The following TTYH3 variants were observed in gnomAD, a reference collection of about 807,000 sequenced individuals.
The protein encoded by TTYH3 is protein tweety homolog 3.
Under a neutral mutation model 68.2 loss-of-function variants are expected in TTYH3, and 23 were observed. The observed-to-expected ratio is 0.34, with a 90% CI of 0.24 to 0.48. TTYH3 has a LOEUF of 0.48. Among genes scored for constraint, TTYH3 ranks in the 20% least tolerant of loss-of-function variants. The probability of loss-of-function intolerance (pLI) is 0.99; values close to 1 mark genes in which losing one functional copy is unlikely to be tolerated. For missense variants in TTYH3, 768 were observed against 727.7 expected (o/e 1.06, Z -0.64); for synonymous variants, 360 against 332.8 (o/e 1.08, Z -0.89).
At chr7:2,653,893 C>T (rs1325892939) in intron 9 of TTYH3, among the ~76,000 whole-genome samples, 3 of 151,926 alleles carry the variant, frequency 2.0e-5, no homozygotes, top group Non-Finnish European at 4.4e-5. Context: ...AAAATAAATA[C>T]GTTGCTATAC....
In TTYH3 at chr7:2,646,873, C is replaced by T. The variant is rs753305266; in HGVS notation, c.144C>T (p.Ala48=). 1.9e-6 allele frequency: 3 copies of T among 1,596,558 alleles called. No homozygotes were observed. The highest frequency in any genetic ancestry group is 4.5e-5 in the East Asian group (2 of 44,778). ...CTCAGGCCCTGCTGCTCCTGGGGGC[C>T]GCCGCCCTGGCCTGCCTCGCCCTGG... ...DYQQALLLLG[A]AALACLALDL... is the part of the protein sequence containing the mutation. Residue 48 remains alanine (A), a synonymous_variant, in exon 2 of 14, where the codon GCC becomes GCT. Transcript: ENST00000258796.
rs770730829 is a variant in TTYH3, at chr7:2,647,997, T to C, written c.665T>C (p.Ile222Thr). The C allele has an allele frequency of 1.3e-5, 21 of 1,610,784 alleles. No homozygotes were observed. The highest frequency in any genetic ancestry group is 5.5e-5 in the South Asian group (5 of 91,088). ...CTGGGCCTGCTGCTGCTGGACGTCA[T>C]CATCTGCCTCCTGGTGCTGGTTGGC... ...GYLGLLLLDV[I>T]ICLLVLVGLI... The change falls in exon 5 of 14, where the codon ATC (isoleucine) becomes ACC (threonine). Residue 222 changes from isoleucine (I) to threonine (T), a missense_variant. By Grantham distance (89) the Ile-to-Thr change is moderately conservative. Transcript: ENST00000258796.
rs568136970 is a variant in TTYH3, at chr7:2,661,942, G to A, written c.*203G>A. 60 of 626,958 alleles carry A rather than the reference G, an allele frequency of 9.6e-5. No individual in the cohort carries two copies. Among genetic ancestry groups the A allele is most frequent in the East Asian group, 9.0e-4 (33 of 36,502 alleles). The allele number at this position is 626,958 out of a possible 1,614,324, so 38.8% of individuals were successfully genotyped here. A position where few individuals can be genotyped will look rare whatever the true frequency, so the allele number is the denominator to read the frequency against. On this transcript the variant is annotated 3_prime_UTR_variant, in exon 14 of 14. Transcript: ENST00000258796. Reference sequence around the variant, plus strand: ...GGCTCTGGGCCCGTACCGCCAACTCGGGTCACACCTGAACGCTGCTGCCAG... The same window carrying A: ...GGCTCTGGGCCCGTACCGCCAACTCAGGTCACACCTGAACGCTGCTGCCAG...
intron 1 of TTYH3, among the ~76,000 whole-genome samples, chr7:2,634,660 C>T (rs983885993): frequency 1.3e-5 from 2 of 152,094 alleles, no homozygotes; most frequent in Admixed American, 6.5e-5. Context: ...CCGTGGTCTG[C>T]TGTTGGGAAC....
intron 1 of TTYH3, among the ~76,000 whole-genome samples, chr7:2,646,294 C>T (rs760520880): frequency 1.3e-5 from 2 of 152,244 alleles, no homozygotes; most frequent in African/African-American, 4.8e-5. Context: ...GGATTACAGG[C>T]GTGAGCCACC....
At chr7:2,651,028 TGGG>T (rs1440961539) in intron 7 of TTYH3, among the ~76,000 whole-genome samples, 1 of 108,192 alleles carries the variant, frequency 9.2e-6, no homozygotes, top group African/African-American at 3.6e-5. Flanking sequence ...GGTCTGGAGG[TGGG>T]GGGCAGGGAG....
chr7:2,639,633 T>C (rs1477600763), intron 1 of TTYH3, among the ~76,000 whole-genome samples: 1 of 152,240 alleles, frequency 6.6e-6, no homozygotes, highest in Non-Finnish European at 1.5e-5. Flanking sequence ...CAGCCGTCAG[T>C]GTGGGGACTC....
chr7:2,635,284 G>T (rs922075664), intron 1 of TTYH3, among the ~76,000 whole-genome samples: 2 of 152,212 alleles, frequency 1.3e-5, no homozygotes, highest in African/African-American at 4.8e-5. Context: ...GAGGGCAGCA[G>T]AGCCTTCTCT....
chr7:2,643,973 C>T (rs1785918367), intron 1 of TTYH3, among the ~76,000 whole-genome samples: 3 of 152,192 alleles, frequency 2.0e-5, no homozygotes, highest in South Asian at 4.2e-4. Context: ...AGCACAGGGT[C>T]GGGGGAGCGA....
rs772407437 is a variant in TTYH3, at chr7:2,656,404, G to C, written c.1120G>C (p.Val374Leu). ...TCTCATCCCACGGCCTCAGGACTAC[G>C]TGCAAGCGCTGACCGGCTTCTGCTA... Reference protein sequence around the residue: ...VDCRSLHLDYVQALTGFCYDG... With the variant: ...VDCRSLHLDYLQALTGFCYDG... The change falls in exon 11 of 14, where the codon GTG becomes CTG. Residue 374 changes from valine (V) to leucine (L), a missense_variant. Coordinates refer to ENST00000258796, the MANE Select transcript of TTYH3 (RefSeq NM_025250.3). The C allele has an allele frequency of 6.2e-7, 1 of 1,609,948 alleles. No homozygotes were observed. Among genetic ancestry groups the C allele is most frequent in the African/African-American group, 1.3e-5 (1 of 74,936 alleles).
chr7:2,647,164 T>C lies in TTYH3; in HGVS notation c.316T>C (p.Tyr106His), dbSNP rs761226713. The change falls in exon 3 of 14, where the codon TAC becomes CAC. Residue 106 changes from tyrosine to histidine, a missense_variant. Transcript: ENST00000258796. Reference sequence around the variant, plus strand: ...CAGCGCCGGCATCGCAGTGGGATTCTACGGCAACGGGGAGACCAGTGATGG... The same window carrying C: ...CAGCGCCGGCATCGCAGTGGGATTCCACGGCAACGGGGAGACCAGTGATGG... ...VCSAGIAVGF[Y>H]GNGETSDGIH... The C allele has an allele frequency of 5.6e-6, 9 of 1,606,334 alleles. No individual in the cohort carries two copies. Among genetic ancestry groups the C allele is most frequent in the Non-Finnish European group, 6.8e-6 (8 of 1,177,892 alleles).
At chr7:2,657,499 G>A (rs1786372288) in intron 11 of TTYH3, among the ~76,000 whole-genome samples, 1 of 152,164 alleles carries the variant, frequency 6.6e-6, no homozygotes, top group South Asian at 2.1e-4. Context: ...TGGTGGTGGT[G>A]ATGGTGTCAG....
In TTYH3 at chr7:2,635,660, T is replaced by C. The variant is rs1188929920; in HGVS notation, c.123+3382T>C. 3.9e-5 allele frequency among the ~76,000 whole-genome samples: 6 copies of C among 152,138 alleles called. No homozygotes were observed. The East Asian group carries it at 1.2e-3, about 29-fold the overall frequency. ...GCTGCCGACAATCAGAGGGTTAGGA[T>C]TTGCCTGCTCATTTCTGACTCCTCC... On this transcript the variant is annotated intron_variant, in intron 1 of 13. Coordinates refer to ENST00000258796, the MANE Select transcript of TTYH3 (RefSeq NM_025250.3).
intron 1 of TTYH3, among the ~76,000 whole-genome samples, chr7:2,642,678 T>C (rs577995202): frequency 6.7e-6 from 1 of 148,868 alleles, no homozygotes; most frequent in East Asian, 2.0e-4. Context: ...CAGTGAGTGG[T>C]GATCGTGCCA....
chr7:2,662,178 C>T lies in TTYH3; in HGVS notation c.*439C>T. 1 of 302,964 alleles carries T rather than the reference C, an allele frequency of 3.3e-6. No homozygotes were observed. Among genetic ancestry groups the T allele is most frequent in the Non-Finnish European group, 6.3e-6 (1 of 158,532 alleles). The allele number at this position is 302,964 out of a possible 1,614,324, so 18.8% of individuals were successfully genotyped here. A position where few individuals can be genotyped will look rare whatever the true frequency, so the allele number is the denominator to read the frequency against. ...GCCGCTCTGTGCTGGCGCCTGCTGG[C>T]CACTGAGGGACAGGGACACGTGCCA... On this transcript the variant is annotated 3_prime_UTR_variant, in exon 14 of 14. Coordinates refer to ENST00000258796, the MANE Select transcript of TTYH3 (RefSeq NM_025250.3).
intron 3 of TTYH3, 22 bp from the exon 4 acceptor site, chr7:2,647,396 C>A: frequency 6.8e-7 from 1 of 1,470,900 alleles, no homozygotes; most frequent in African/African-American, 1.4e-5. Flanking sequence ...CTCCCAGCCT[C>A]ACGCCCGCGG....
chr7:2,655,290 C>T (rs547993748), intron 9 of TTYH3, among the ~76,000 whole-genome samples: 2 of 152,230 alleles, frequency 1.3e-5, no homozygotes, highest in South Asian at 2.1e-4. Context: ...GGACTACAGG[C>T]GCGTGCCACC....
rs146815577 is a variant in TTYH3, at chr7:2,647,979, T to A, written c.647T>A (p.Leu216Gln). ...TGCAGGTGGCTGGGCTACCTGGGCC[T>A]GCTGCTGCTGGACGTCATCATCTGC... ...DWYRWLGYLGLLLLDVIICLL... is the reference protein window; with the variant it reads ...DWYRWLGYLGQLLLDVIICLL... The change falls in exon 5 of 14, where the codon CTG (leucine) becomes CAG (glutamine). Residue 216 changes from leucine (L) to glutamine (Q), a missense_variant. Leu to Gln is a moderately radical substitution (Grantham distance 113). Transcript: ENST00000258796. 3 of 1,609,316 alleles carry A rather than the reference T, an allele frequency of 1.9e-6. No individual in the cohort carries two copies. In the African/African-American group the frequency reaches 4.0e-5, roughly 21 times the overall value.
At chr7:2,632,395 G>T (rs1785546792) in intron 1 of TTYH3, 117 bp downstream of exon 1, 4 of 1,100,436 alleles carry the variant, frequency 3.6e-6, no homozygotes, top group Non-Finnish European at 4.9e-6. Flanking sequence ...CCCCCTCCAG[G>T]GTCACGGCCA....
Sources: allele counts gnomAD v4.1 joint callset (sites outside exome capture counted in the v4.1 genomes callset), GRCh38; gene constraint gnomAD v4.1.1; transcripts MANE v1.5; gene names NCBI Gene and HGNC (gene_info 2026-07-23, HGNC 2026-07-21).